Variants in MREG observed in about 807,000 individuals in gnomAD.
MREG encodes the protein melanoregulin.
MREG carries 31 observed loss-of-function variants against 28.5 expected under a neutral mutation model. That is an observed-to-expected ratio of 1.09 (90% CI 0.82 to 1.47). The LOEUF is 1.47. Among genes scored for constraint, MREG ranks in the 40% most tolerant of loss-of-function variants. MREG has a pLI of 0.00. For missense variants in MREG, 256 were observed against 257.4 expected (o/e 0.99, Z 0.04); for synonymous variants, 106 against 95.2 (o/e 1.11, Z -0.66).
At chr2:215,992,069 C>G (rs927279441) in intron 2 of MREG, among the ~76,000 whole-genome samples, 9 of 152,134 alleles carry the variant, frequency 5.9e-5, no homozygotes, top group African/African-American at 9.7e-5. Context: ...ATCCTGATAC[C>G]AAAACCTGGC....
At chr2:215,995,506 C>T (rs1559191567) in intron 2 of MREG, among the ~76,000 whole-genome samples, 2 of 135,768 alleles carry the variant, frequency 1.5e-5, no homozygotes, top group South Asian at 2.2e-4. Context: ...CTCCACCCAC[C>T]CCACCCCCCG....
At chr2:215,949,084 C>A (rs62183186) in intron 2 of MREG, among the ~76,000 whole-genome samples, 61,417 of 112,822 alleles carry the variant, frequency 0.54, 14,077 homozygotes, top group East Asian at 0.69. Flanking sequence ...ACTACTACTA[C>A]TACTAATAAT....
chr2:215,970,100 T>C (rs1170792862), intron 2 of MREG, among the ~76,000 whole-genome samples: 1 of 152,190 alleles, frequency 6.6e-6, no homozygotes, highest in Non-Finnish European at 1.5e-5. Flanking sequence ...AATGTGACCT[T>C]ATTTAGACAC....
chr2:215,963,657 GTTTAAT>G (rs1210994311), intron 2 of MREG, among the ~76,000 whole-genome samples: 1 of 152,072 alleles, frequency 6.6e-6, no homozygotes, highest in Non-Finnish European at 1.5e-5. Context: ...ATACTCAATT[GTTTAAT>G]TTTAAAGTAT....
Position 215,994,612 on chromosome 2 carries a change from A to G in MREG, c.255+1694T>C, listed in dbSNP as rs139816869. ...GGGGAAGAAGAAGGAGAAGAAGAGG[A>G]AGAAGAAGAGAAGAAGGAGGGGGAG... On this transcript the variant is annotated intron_variant, in intron 2 of 4. Transcript: ENST00000263268. 1.1e-4 allele frequency among the ~76,000 whole-genome samples: 5 copies of G among 43,642 alleles called. No homozygotes were observed. The East Asian group carries it at 5.6e-3, about 49-fold the overall frequency. The allele number at this position is 43,642 out of a possible 152,430, so 28.6% of individuals were successfully genotyped here.
At chr2:216,002,660 C>A (rs1160291464) in intron 1 of MREG, among the ~76,000 whole-genome samples, 3 of 152,180 alleles carry the variant, frequency 2.0e-5, no homozygotes, top group Admixed American at 1.3e-4. Flanking sequence ...CCTGCTACCC[C>A]CCTGGCTTCA....
chr2:215,940,998 G>C (rs533761660), downstream of MREG, among the ~76,000 whole-genome samples: 5 of 152,168 alleles, frequency 3.3e-5, no homozygotes, highest in African/African-American at 4.8e-5. Context: ...GTCTATTCTA[G>C]CCAAGGTTTC....
upstream of MREG, among the ~76,000 whole-genome samples, chr2:216,018,256 A>G (rs1258776294): frequency 2.0e-5 from 3 of 152,224 alleles, no homozygotes; most frequent in East Asian, 5.8e-4. Context: ...TCATTCAGTT[A>G]TTTGTTCTAC....
At chr2:216,031,933 G>C (rs1027502619) in intron 1 of MREG, among the ~76,000 whole-genome samples, 5 of 152,088 alleles carry the variant, frequency 3.3e-5, no homozygotes, top group Admixed American at 6.6e-5. Context: ...CCGTATTTTT[G>C]TATTTCTTAA....
At chr2:215,954,484 A>ACACACACACACACACACAC (rs1553547423) in intron 2 of MREG, among the ~76,000 whole-genome samples, 1 of 151,270 alleles carries the variant, frequency 6.6e-6, no homozygotes, top group African/African-American at 2.4e-5. Flanking sequence ...ACACACACAC[A>ACACACACACACACACACAC]AAACAACCAG....
chr2:215,966,172 T>C (rs995379347), intron 2 of MREG, among the ~76,000 whole-genome samples: 1 of 152,140 alleles, frequency 6.6e-6, no homozygotes. Flanking sequence ...CAGGGAGACA[T>C]CCTCAATGCC....
intron 2 of MREG, among the ~76,000 whole-genome samples, chr2:215,947,955 G>C (rs146726701): frequency 1.5e-3 from 227 of 152,286 alleles, no homozygotes; most frequent in African/African-American, 5.2e-3. Flanking sequence ...AAGGAGGCTT[G>C]TCACTATAGA....
intron 3 of MREG, 70 bp downstream of exon 3, chr2:215,946,953 G>T: frequency 1.1e-6 from 1 of 897,754 alleles, no homozygotes; most frequent in South Asian, 1.4e-5. Context: ...TAAAAACCAT[G>T]GTGGAGAAAT....
chr2:215,949,538 G>A (rs1433587097), intron 2 of MREG, among the ~76,000 whole-genome samples: 1 of 150,410 alleles, frequency 6.6e-6, no homozygotes, highest in African/African-American at 2.4e-5. Context: ...TCCAGCCTGG[G>A]CAACAGAGCA....
rs1056312904 is a variant in MREG at position 215,975,945 on chromosome 2, G to A, written c.255+20361C>T. Among the ~76,000 whole-genome samples, 10 of 152,260 alleles carry A rather than the reference G, an allele frequency of 6.6e-5. 1 individual carries two copies. In the South Asian group the frequency reaches 1.2e-3, roughly 19 times the overall value. On this transcript the variant is annotated intron_variant, in intron 2 of 4. Coordinates refer to ENST00000263268, the MANE Select transcript of MREG (RefSeq NM_018000.3). ...TACTAAAAATACAAAAAGTAGCCGG[G>A]CATGGTGGTGTGCACCTGTAATCCC...
chr2:216,019,507 C>CTT (rs373116320), intron 1 of MREG, among the ~76,000 whole-genome samples: 10 of 141,186 alleles, frequency 7.1e-5, no homozygotes, highest in Non-Finnish European at 1.1e-4. Context: ...ATTTTCAAAC[C>CTT]TTTTTTTTTT....
intron 2 of MREG, among the ~76,000 whole-genome samples, chr2:215,988,888 C>T (rs1303674856): frequency 2.0e-5 from 3 of 152,212 alleles, no homozygotes; most frequent in African/African-American, 4.8e-5. Context: ...AGGCAGCAGC[C>T]CCAGTCAGGG....
At chr2:215,964,832 C>G (rs1022909496) in intron 2 of MREG, among the ~76,000 whole-genome samples, 1 of 138,606 alleles carries the variant, frequency 7.2e-6, no homozygotes, top group African/African-American at 2.6e-5. Context: ...AGAATCTAGA[C>G]AGACAGACAG....
intron 2 of MREG, among the ~76,000 whole-genome samples, chr2:215,995,440 T>C (rs987574452): frequency 1.3e-5 from 2 of 152,036 alleles, no homozygotes; most frequent in African/African-American, 2.4e-5. Flanking sequence ...AAAGAAAAGT[T>C]ACCAATTACC....
Sources: gnomAD v4.1 joint callset for allele counts (sites outside exome capture counted in the v4.1 genomes callset) on GRCh38, gnomAD v4.1.1 for gene constraint, MANE v1.5 for transcripts, NCBI Gene and HGNC (gene_info 2026-07-23, HGNC 2026-07-21) for gene names.